EXOC4: variants seen among roughly 807,000 people sequenced by gnomAD.
EXOC4 encodes the protein SEC8-like 1.
EXOC4 carries 71 observed loss-of-function variants against 107.2 expected under a neutral mutation model. The observed-to-expected ratio is 0.66, with a 90% CI of 0.55 to 0.81. EXOC4 has a LOEUF of 0.81. Ranked by LOEUF, EXOC4 falls within the 30% of genes least tolerant of loss-of-function variation. EXOC4 has a pLI of 0.00. For missense variants in EXOC4, 1,108 were observed against 1,189.6 expected (o/e 0.93, Z 1.01); for synonymous variants, 456 against 441.2 (o/e 1.03, Z -0.42).
At chr7:133,688,096 A>T (rs2151074640) in intron 10 of EXOC4, among the ~76,000 whole-genome samples, 1 of 152,294 alleles carries the variant, frequency 6.6e-6, no homozygotes, top group African/African-American at 2.4e-5. Context: ...CAGAGTTAAA[A>T]TCGTGATTGA....
chr7:133,275,239 G>A (rs1584768961), intron 2 of EXOC4, 68 bp downstream of exon 2: 5 of 1,307,566 alleles, frequency 3.8e-6, no homozygotes, highest in Middle Eastern at 3.9e-4. Flanking sequence ...GCTTGGAGAG[G>A]AGCCATGGTA....
chr7:134,089,890 G>C, the EXOC4 span, among the ~76,000 whole-genome samples: 1 of 152,072 alleles, frequency 6.6e-6, no homozygotes, highest in Middle Eastern at 3.4e-3. Flanking sequence ...CTTCAAAGTA[G>C]GTAAACTGAA....
intron 7 of EXOC4, among the ~76,000 whole-genome samples, chr7:133,408,044 T>C (rs1383911982): frequency 1.3e-5 from 2 of 151,870 alleles, no homozygotes; most frequent in East Asian, 3.9e-4. Flanking sequence ...TGGGGAGAAG[T>C]TAGTGGTGAT....
chr7:133,846,022 C>A (rs557821837), intron 11 of EXOC4, among the ~76,000 whole-genome samples: 128 of 151,402 alleles, frequency 8.5e-4, no homozygotes, highest in Middle Eastern at 3.4e-3. Context: ...TCACAGTCCC[C>A]CACACACACA....
At chr7:134,036,230 A>G (rs1162926366) in intron 17 of EXOC4, among the ~76,000 whole-genome samples, 1 of 152,220 alleles carries the variant, frequency 6.6e-6, no homozygotes, top group Non-Finnish European at 1.5e-5. Context: ...TTCCTTGATC[A>G]GTAATTTTCC....
intron 12 of EXOC4, among the ~76,000 whole-genome samples, chr7:133,904,523 G>A (rs531634239): frequency 4.6e-5 from 7 of 152,218 alleles, no homozygotes; most frequent in South Asian, 2.1e-4. Flanking sequence ...ATTCCTTCCC[G>A]TAAGAAACTC....
At chr7:133,721,801 G>A (rs1262927338) in intron 10 of EXOC4, among the ~76,000 whole-genome samples, 1 of 152,184 alleles carries the variant, frequency 6.6e-6, no homozygotes, top group Admixed American at 6.5e-5. Context: ...TTAGTGAACA[G>A]CCTTGGAAGA....
At chr7:133,869,642 G>A (rs1798710986) in intron 11 of EXOC4, among the ~76,000 whole-genome samples, 1 of 152,144 alleles carries the variant, frequency 6.6e-6, no homozygotes, top group Non-Finnish European at 1.5e-5. Context: ...TACTCTATTT[G>A]TATCCAGCTG....
Position 133,305,069 on chromosome 7 carries a change from C to CT in EXOC4, c.472-794dup, listed in dbSNP as rs776307665. On this transcript the variant is annotated intron_variant, in intron 3 of 17. Transcript: ENST00000253861. ...AATGGGATCATATCATGCATGCTGT[C>CT]TTTTTTTTTTTTTTCCTTTGCAGAT... 9.3e-3 allele frequency among the ~76,000 whole-genome samples: 1,316 copies of CT among 141,552 alleles called. 16 individuals are homozygous for CT. Among genetic ancestry groups the CT allele is most frequent in the African/African-American group, 0.029 (1,130 of 39,006 alleles). The allele number at this position is 141,552 out of a possible 152,430, so 92.9% of individuals were successfully genotyped here.
At chr7:134,062,956 C>T (rs181620846) in intron 17 of EXOC4, among the ~76,000 whole-genome samples, 245 of 152,356 alleles carry the variant, frequency 1.6e-3, no homozygotes, top group African/African-American at 5.7e-3. Flanking sequence ...TCTCAAGTCT[C>T]CTCTTTCTGC....
intron 14 of EXOC4, among the ~76,000 whole-genome samples, chr7:133,979,127 C>T (rs552538268): frequency 6.6e-6 from 1 of 152,286 alleles, no homozygotes; most frequent in South Asian, 2.1e-4. Flanking sequence ...TAGTGGAAAA[C>T]CTGATTTGTC....
In EXOC4 at chr7:133,855,124, T is replaced by TAA. The variant is rs1351501897; in HGVS notation, c.1734+37581_1734+37582insAA. 4.1e-3 allele frequency among the ~76,000 whole-genome samples: 222 copies of TAA among 54,198 alleles called. 2 individuals are homozygous for TAA. The highest frequency in any genetic ancestry group is 6.8e-3 in the African/African-American group (54 of 7,904). 35.6% of individuals were successfully genotyped at this position (54,198 alleles called of 152,430 possible). A position where few individuals can be genotyped will look rare whatever the true frequency, so the allele number is the denominator to read the frequency against. The stretch of plus-strand genomic sequence containing the variant: ...ATATAAATATATATAAATATATATA[T>TAA]ATAAATATATATATATATAAATATA... On this transcript the variant is annotated intron_variant, in intron 11 of 17. Coordinates refer to ENST00000253861, the MANE Select transcript of EXOC4 (RefSeq NM_021807.4).
intron 7 of EXOC4, among the ~76,000 whole-genome samples, chr7:133,385,681 G>C (rs1032745145): frequency 1.3e-5 from 2 of 152,164 alleles, no homozygotes; most frequent in Non-Finnish European, 2.9e-5. Context: ...CCATTTTAGA[G>C]ATGGAGAAAC....
intron 10 of EXOC4, among the ~76,000 whole-genome samples, chr7:133,701,658 A>C (rs1794657951): frequency 6.6e-6 from 1 of 152,202 alleles, no homozygotes; most frequent in Admixed American, 6.5e-5. Flanking sequence ...CAGGTTGAAT[A>C]TCCCTTATCT....
intron 9 of EXOC4, among the ~76,000 whole-genome samples, chr7:133,568,533 G>T (rs1226650425): frequency 6.6e-6 from 1 of 152,062 alleles, no homozygotes; most frequent in African/African-American, 2.4e-5. Context: ...TCTAGGCATA[G>T]GTTATGAGGA....
intron 17 of EXOC4, among the ~76,000 whole-genome samples, chr7:134,063,422 TGAACTTAGAGTCA>T (rs1335567448): frequency 6.6e-6 from 1 of 152,196 alleles, no homozygotes; most frequent in African/African-American, 2.4e-5. Context: ...AAAACAGTCT[TGAACTTAGAGTCA>T]GAAACCTGGG....
chr7:133,769,665 A>AG (rs1432353399), intron 10 of EXOC4, among the ~76,000 whole-genome samples: 1 of 151,892 alleles, frequency 6.6e-6, no homozygotes, highest in Non-Finnish European at 1.5e-5. Flanking sequence ...TTTTCTAGTG[A>AG]GGGAAAAAAA....
chr7:134,020,880 G>C (rs1563094194), intron 17 of EXOC4, among the ~76,000 whole-genome samples: 1 of 152,046 alleles, frequency 6.6e-6, no homozygotes, highest in Non-Finnish European at 1.5e-5. Context: ...CAGCTACTTG[G>C]GAGGCTGAAG....
chr7:134,087,222 C>A, the EXOC4 span, among the ~76,000 whole-genome samples: 1 of 152,104 alleles, frequency 6.6e-6, no homozygotes, highest in South Asian at 2.1e-4. Context: ...AAAGACAACC[C>A]TAACTTCAAG....
Sources: gnomAD v4.1 joint callset for allele counts (sites outside exome capture counted in the v4.1 genomes callset) on GRCh38, gnomAD v4.1.1 for gene constraint, MANE v1.5 for transcripts, NCBI Gene and HGNC (gene_info 2026-07-23, HGNC 2026-07-21) for gene names.